The following NRF1 variants were observed in gnomAD, a reference collection of about 807,000 sequenced individuals.
NRF1 encodes the protein nuclear respiratory factor 1.
NRF1 carries 5 observed loss-of-function variants against 58.5 expected under a neutral mutation model. The ratio of observed to expected loss-of-function variants is 0.09; its 90% CI spans 0.04 to 0.18. The LOEUF is 0.18. Ranked by LOEUF, NRF1 falls within the 10% of genes least tolerant of loss-of-function variation. NRF1 has a pLI of 1.00. For missense variants in NRF1, 288 were observed against 657.7 expected (o/e 0.44, Z 6.15); for synonymous variants, 224 against 246.7 (o/e 0.91, Z 0.86).
intron 6 of NRF1, among the ~76,000 whole-genome samples, chr7:129,709,729 C>CTTTTTTTTTTTTTTTTTTT (rs71527924): frequency 1.6e-5 from 2 of 127,940 alleles, no homozygotes; most frequent in Admixed American, 7.8e-5. Flanking sequence ...TCTTTTCTTT[C>CTTTTTTTTTTTTTTTTTTT]TTTTTTTTTT....
chr7:129,678,318 T>G (rs1358319745), intron 4 of NRF1, among the ~76,000 whole-genome samples: 1 of 152,220 alleles, frequency 6.6e-6, no homozygotes, highest in Admixed American at 6.5e-5. Flanking sequence ...GAACTATTCT[T>G]TCTTGCGCCA....
At chr7:129,694,988 G>C (rs1054242670) in intron 5 of NRF1, among the ~76,000 whole-genome samples, 8 of 152,202 alleles carry the variant, frequency 5.3e-5, no homozygotes, top group African/African-American at 1.9e-4. Flanking sequence ...AGGAAGACGA[G>C]CAGCATAGCC....
rs1269509914 is a variant in NRF1 at position 129,614,572 on chromosome 7, C to T, written c.-7+2748C>T. Among the ~76,000 whole-genome samples the T allele has an allele frequency of 2.0e-5, 3 of 151,922 alleles. No individual in the cohort carries two copies. In the East Asian group the frequency reaches 5.8e-4, roughly 29 times the overall value. On this transcript the variant is annotated intron_variant, in intron 1 of 10. Coordinates refer to ENST00000393232, the MANE Select transcript of NRF1 (RefSeq NM_005011.5). ...GCTCAAGGAATGCACCCACCTCAGCCTCCCCAGTAGCTGAGACTATAGGCA... is the reference window on the plus strand; with the variant it reads ...GCTCAAGGAATGCACCCACCTCAGCTTCCCCAGTAGCTGAGACTATAGGCA...
At chr7:129,696,260 TA>T (rs1246997652) in intron 5 of NRF1, among the ~76,000 whole-genome samples, 2 of 151,968 alleles carry the variant, frequency 1.3e-5, no homozygotes, top group East Asian at 3.9e-4. Context: ...AAAATAAAAA[TA>T]AATAAATAAA....
Position 129,756,759 on chromosome 7 carries a change from T to C in NRF1, c.*1578T>C, listed in dbSNP as rs962703786. On this transcript the variant is annotated 3_prime_UTR_variant, in exon 11 of 11. Transcript: ENST00000393232. ...AGAAGTTTCAGATTCTTGTATTTGC[T>C]TGTTTTATATAAAACTATCTAATGT... 14 of 152,692 alleles carry C rather than the reference T, an allele frequency of 9.2e-5. No individual in the cohort carries two copies. Among genetic ancestry groups the C allele is most frequent in the Non-Finnish European group, 4.4e-5 (3 of 68,054 alleles). 9.5% of individuals were successfully genotyped at this position (152,692 alleles called of 1,614,324 possible). A position where few individuals can be genotyped will look rare whatever the true frequency, so the allele number is the denominator to read the frequency against.
intron 4 of NRF1, among the ~76,000 whole-genome samples, chr7:129,678,375 A>G (rs1802232221): frequency 6.6e-6 from 1 of 152,230 alleles, no homozygotes; most frequent in Non-Finnish European, 1.5e-5. Flanking sequence ...AAAGATTTAA[A>G]TTGCATTTTG....
At chr7:129,715,398 G>A (rs1363511574) in intron 8 of NRF1, among the ~76,000 whole-genome samples, 1 of 152,210 alleles carries the variant, frequency 6.6e-6, no homozygotes, top group Non-Finnish European at 1.5e-5. Context: ...CATGTATCCT[G>A]TCACCAGAGA....
intron 1 of NRF1, among the ~76,000 whole-genome samples, chr7:129,624,794 T>A (rs189909138): frequency 6.6e-6 from 1 of 152,248 alleles, no homozygotes; most frequent in African/African-American, 2.4e-5. Flanking sequence ...CCCTAAAATT[T>A]TTACCTACTG....
At chr7:129,715,262 G>A (rs1352923319) in intron 8 of NRF1, among the ~76,000 whole-genome samples, 2 of 152,116 alleles carry the variant, frequency 1.3e-5, no homozygotes, top group East Asian at 3.9e-4. Context: ...GGCATCTAGC[G>A]GGTACAAGCC....
intron 1 of NRF1, among the ~76,000 whole-genome samples, chr7:129,615,359 C>T (rs536952574): frequency 2.0e-5 from 3 of 152,284 alleles, no homozygotes; most frequent in South Asian, 2.1e-4. Flanking sequence ...AGTTTAGATG[C>T]GCCCTTTCTG....
chr7:129,748,202 G>A (rs1222895739), intron 10 of NRF1, among the ~76,000 whole-genome samples: 1 of 148,592 alleles, frequency 6.7e-6, no homozygotes, highest in East Asian at 2.0e-4. Context: ...TTGAACCTGG[G>A]AGGCAGAGGC....
intron 9 of NRF1, among the ~76,000 whole-genome samples, chr7:129,724,494 T>C (rs1803405378): frequency 6.6e-6 from 1 of 152,180 alleles, no homozygotes; most frequent in South Asian, 2.1e-4. Flanking sequence ...AAGTTAAAAA[T>C]GGGACTACCG....
intron 1 of NRF1, among the ~76,000 whole-genome samples, chr7:129,615,537 T>A (rs1368036327): frequency 2.0e-5 from 3 of 152,252 alleles, no homozygotes; most frequent in Non-Finnish European, 4.4e-5. Context: ...AAAATACATT[T>A]TCTTTATGTT....
intron 1 of NRF1, among the ~76,000 whole-genome samples, chr7:129,653,235 G>GA (rs1181281782): frequency 6.6e-6 from 1 of 152,208 alleles, no homozygotes; most frequent in Non-Finnish European, 1.5e-5. Flanking sequence ...GTTGATCCAT[G>GA]TTGTAGCATG....
intron 10 of NRF1, among the ~76,000 whole-genome samples, chr7:129,738,498 C>T (rs1272212263): frequency 6.6e-6 from 1 of 152,204 alleles, no homozygotes; most frequent in African/African-American, 2.4e-5. Context: ...TAAGATGAAT[C>T]GTTTTCATTC....
At chr7:129,629,968 C>T (rs1801012246) in intron 1 of NRF1, 1 of 152,192 alleles carries the variant, frequency 6.6e-6, no homozygotes, top group Admixed American at 6.5e-5. Context: ...ATTTTGACCT[C>T]ATTGATGACT....
chr7:129,745,506 A>ACCCCCCCCCCCCCCCCCCCCCCC (rs35406699), intron 10 of NRF1, among the ~76,000 whole-genome samples: 1 of 112,582 alleles, frequency 8.9e-6, no homozygotes, highest in Non-Finnish European at 1.8e-5. Context: ...ATCCCCCTCA[A>ACCCCCCCCCCCCCCCCCCCCCCC]CCCCCCCCCC....
intron 5 of NRF1, among the ~76,000 whole-genome samples, chr7:129,690,845 T>C (rs1466535246): frequency 6.6e-5 from 10 of 152,166 alleles, no homozygotes; most frequent in South Asian, 2.1e-4. Flanking sequence ...GGGGTTGGTC[T>C]GAACAAAAGA....
rs992266743 is a variant in NRF1 at position 129,756,836 on chromosome 7, A to C, written c.*1655A>C. 1 of 152,544 alleles carries C rather than the reference A, an allele frequency of 6.6e-6. No homozygotes were observed. The highest frequency in any genetic ancestry group is 2.1e-4 in the South Asian group (1 of 4,830). 9.4% of individuals were successfully genotyped at this position (152,544 alleles called of 1,614,324 possible). A position where few individuals can be genotyped will look rare whatever the true frequency, so the allele number is the denominator to read the frequency against. On this transcript the variant is annotated 3_prime_UTR_variant, in exon 11 of 11. Coordinates refer to ENST00000393232, the MANE Select transcript of NRF1 (RefSeq NM_005011.5). ...ATGGGGGGAGGGGAGGGAAATTTAC[A>C]TATAAATAGTCCTAGTTCTACAATT...
Sources: allele counts gnomAD v4.1 joint callset (sites outside exome capture counted in the v4.1 genomes callset), GRCh38; gene constraint gnomAD v4.1.1; transcripts MANE v1.5; gene names NCBI Gene and HGNC (gene_info 2026-07-23, HGNC 2026-07-21).